The following SMTN variants were observed in gnomAD, a reference collection of about 807,000 sequenced individuals.
SMTN encodes the protein smoothelin.
Under a neutral mutation model 102.0 loss-of-function variants are expected in SMTN, and 58 were observed. That is an observed-to-expected ratio of 0.57 (90% CI 0.46 to 0.71). The LOEUF is 0.71. SMTN is among the 30% of genes least tolerant of loss of function. The pLI is 0.00. For missense variants in SMTN, 1,185 were observed against 1,241.7 expected (o/e 0.95, Z 0.69); for synonymous variants, 478 against 497.9 (o/e 0.96, Z 0.53).
intron 2 of SMTN, 38 bp from the exon 3 acceptor site, chr22:31,087,926 CT>C (rs779713955): frequency 6.5e-6 from 10 of 1,543,584 alleles, no homozygotes; most frequent in Admixed American, 1.9e-5. Context: ...CCCTCCGCCC[CT>C]GGCAGCCAAA....
At position 31,095,511 on chromosome 22, in the gene SMTN, G is replaced by A. The variant is rs1468558103; in HGVS notation, c.1786-23G>A. On this transcript the variant is annotated intron_variant, in intron 12 of 20. Coordinates refer to ENST00000333137, the MANE Select transcript of SMTN (RefSeq NM_134269.3). This position sits in a 1 kb window ranked among gnomAD's most constrained non-coding sequence, Gnocchi z 4.1. The stretch of plus-strand genomic sequence containing the variant: ...GCAGAGGCCAGCAGGCACCAGGTAG[G>A]CAATGATGGGCTCTATATGCAGCTG... 1.2e-5 allele frequency: 19 copies of A among 1,614,082 alleles called. No individual in the cohort carries two copies. The highest frequency in any genetic ancestry group is 1.6e-5 in the Non-Finnish European group (19 of 1,180,010).
chr22:31,092,642 A>G (rs898859893), intron 11 of SMTN: 4 of 443,214 alleles, frequency 9.0e-6, no homozygotes, highest in Admixed American at 4.8e-5. Context: ...AGGGAAATAA[A>G]GCACCCTTCC....
rs1437552158 is a variant in SMTN at position 31,091,892 on chromosome 22, A to G, written c.1632+45A>G. ...ACCAGCCTCACCATCCGTCAGCCTC[A>G]CATACACTGCTTCAGGGTGTAGGGC... On this transcript the variant is annotated intron_variant, in intron 11 of 20. Coordinates refer to ENST00000333137, the MANE Select transcript of SMTN (RefSeq NM_134269.3). 4 of 1,487,682 alleles carry G rather than the reference A, an allele frequency of 2.7e-6. No individual in the cohort carries two copies. The African/African-American group carries it at 5.6e-5, about 21-fold the overall frequency. The allele number at this position is 1,487,682 out of a possible 1,614,324, so 92.2% of individuals were successfully genotyped here.
intron 2 of SMTN, chr22:31,085,138 C>T: frequency 6.5e-7 from 1 of 1,535,514 alleles, no homozygotes; most frequent in East Asian, 2.4e-5. Flanking sequence ...GCCGGGACGC[C>T]CTCTGCCTCG....
intron 16 of SMTN, among the ~76,000 whole-genome samples, chr22:31,098,168 C>T (rs993051629): frequency 2.6e-5 from 4 of 152,150 alleles, no homozygotes; most frequent in African/African-American, 4.8e-5. Context: ...TCAGAGAGAC[C>T]TTGTTCAAGT....
At chr22:31,068,177 A>G (rs5997861) in intron 1 of SMTN, 44,054 of 151,732 alleles carry the variant, frequency 0.29, 8,111 homozygotes, top group African/African-American at 0.53. Context: ...GGTGGTGGAC[A>G]CCTGTAATCC....
rs772038024 is a variant in SMTN at position 31,088,767 on chromosome 22, G to A, written c.363G>A (p.Gln121=). The change falls in exon 5 of 21, where the codon CAG becomes CAA. Residue 121 remains glutamine, a synonymous_variant. Transcript: ENST00000333137. ...CTGCCATCCGCCGTGTACGGGCTCA[G>A]GAGATTGAGGGTATGTGGCCTGTCC... ...IRAAIRRVRA[Q]EIEAATLAGR... 5.2e-5 allele frequency: 84 copies of A among 1,612,754 alleles called. No homozygotes were observed. In the Middle Eastern group the frequency reaches 9.9e-4, roughly 19 times the overall value.
chr22:31,074,829 C>A (rs1285508112), intron 1 of SMTN, among the ~76,000 whole-genome samples: 1 of 151,778 alleles, frequency 6.6e-6, no homozygotes, highest in African/African-American at 2.4e-5. Context: ...ACAACAACAA[C>A]AAAACACAGG....
At chr22:31,097,727 A>G (rs2043715448) in intron 16 of SMTN, among the ~76,000 whole-genome samples, 2 of 150,668 alleles carry the variant, frequency 1.3e-5, no homozygotes, top group Admixed American at 1.3e-4. Flanking sequence ...TAAATAAATA[A>G]ATAAATAAAT....
upstream of SMTN, among the ~76,000 whole-genome samples, chr22:31,076,328 C>G (rs1400853857): frequency 6.6e-6 from 1 of 152,218 alleles, no homozygotes; most frequent in East Asian, 1.9e-4. Flanking sequence ...TCAGAACCGG[C>G]AAAGGAGCCA....
Position 31,095,333 on chromosome 22 carries a change from G to A in SMTN, c.1663G>A (p.Ala555Thr), listed in dbSNP as rs1156784667. ...AGCAGAGCCAGCAGAGCCTCTCGCT[G>A]CAGCAGTGGAAGCGGCCAATGGGGC... ...MEAEPAEPLA[A>T]AVEAANGAEQ... Residue 555 changes from alanine (A) to threonine (T), a missense_variant, in exon 12 of 21, where the codon GCA becomes ACA. Transcript: ENST00000333137. The surrounding 1 kb of genome is among the most constrained non-coding windows in gnomAD (Gnocchi z 4.1). 1 of 1,614,024 alleles carries A rather than the reference G, an allele frequency of 6.2e-7. No homozygotes were observed. The highest frequency in any genetic ancestry group is 1.3e-5 in the African/African-American group (1 of 74,940).
Position 31,097,338 on chromosome 22 carries a change from G to A in SMTN, c.2159G>A (p.Ser720Asn). Residue 720 changes from serine to asparagine, a missense_variant and splice_region_variant, in exon 16 of 21, where the codon AGC (serine) becomes AAC (asparagine). Coordinates refer to ENST00000333137, the MANE Select transcript of SMTN (RefSeq NM_134269.3). ...SSSSSSKKMG[S>N]IFDREDQASP... ...TCCTCCTCATCCAAGAAGATGGGCA[G>A]GTGAGCACCAGCACCCAATCCCTGA... The A allele has an allele frequency of 6.2e-7, 1 of 1,613,804 alleles. No individual in the cohort carries two copies. The highest frequency in any genetic ancestry group is 8.5e-7 in the Non-Finnish European group (1 of 1,179,770).
At chr22:31,097,715 G>GATAGATAAATAAATAAATAA (rs377645962) in intron 16 of SMTN, among the ~76,000 whole-genome samples, 5 of 145,794 alleles carry the variant, frequency 3.4e-5, no homozygotes, top group African/African-American at 1.3e-4. Flanking sequence ...AAAATAAATA[G>GATAGATAAATAAATAAATAA]ATAAATAAAT....
rs529584206 is a variant in SMTN, at chr22:31,085,924, G to A, written c.52-2041G>A. 1.1e-4 allele frequency among the ~76,000 whole-genome samples: 16 copies of A among 152,340 alleles called. No individual in the cohort carries two copies. The South Asian group carries it at 3.1e-3, about 30-fold the overall frequency. ...GGCCAAGTTCCTACATCAGGCTTTTGTCAGAGACAAGGACCCCATCTCCGA... is the reference window on the plus strand; with the variant it reads ...GGCCAAGTTCCTACATCAGGCTTTTATCAGAGACAAGGACCCCATCTCCGA... On this transcript the variant is annotated intron_variant, in intron 2 of 20. Coordinates refer to ENST00000333137, the MANE Select transcript of SMTN (RefSeq NM_134269.3).
chr22:31,069,809 C>A (rs2041954824), intron 1 of SMTN, among the ~76,000 whole-genome samples: 1 of 152,224 alleles, frequency 6.6e-6, no homozygotes, highest in Non-Finnish European at 1.5e-5. Context: ...CTCAGGAAAC[C>A]TGGGTTCCAG....
At chr22:31,102,216 G>A (rs1171393825) in intron 20 of SMTN, 1 of 152,202 alleles carries the variant, frequency 6.6e-6, no homozygotes, top group Admixed American at 6.5e-5. Context: ...TTACAGACAA[G>A]GAGCTCAGAG....
chr22:31,067,126 G>C (rs1234967003), intron 1 of SMTN: 2 of 152,094 alleles, frequency 1.3e-5, no homozygotes. Flanking sequence ...GCCCAGGCTG[G>C]AGTGCAGTGG....
At position 31,096,824 on chromosome 22, in the gene SMTN, G is replaced by C. The variant is rs765718791; in HGVS notation, c.1953G>C (p.Thr651=). ...GCAACACAGCCACTGAGACCACCACGAGGCACAGCCAGCGGGCAGCTGATG... is the reference window on the plus strand; with the variant it reads ...GCAACACAGCCACTGAGACCACCACCAGGCACAGCCAGCGGGCAGCTGATG... The part of the protein sequence containing the change: ...GRGNTATETT[T]RHSQRAADGS... The change falls in exon 14 of 21, where the codon ACG becomes ACC. Residue 651 remains threonine (T), a synonymous_variant. Coordinates refer to ENST00000333137, the MANE Select transcript of SMTN (RefSeq NM_134269.3). 5.7e-6 allele frequency: 9 copies of C among 1,574,956 alleles called. No individual in the cohort carries two copies. Among genetic ancestry groups the C allele is most frequent in the Non-Finnish European group, 7.8e-6 (9 of 1,158,516 alleles).
At chr22:31,070,835 G>C (rs1408201543) in intron 1 of SMTN, among the ~76,000 whole-genome samples, 1 of 150,956 alleles carries the variant, frequency 6.6e-6, no homozygotes, top group Non-Finnish European at 1.5e-5. Flanking sequence ...GAGGCAGGAG[G>C]ATTGCTTGAA....
Sources: allele counts gnomAD v4.1 joint callset (sites outside exome capture counted in the v4.1 genomes callset), GRCh38; gene constraint gnomAD v4.1.1; non-coding constraint Gnocchi (gnomAD v3.1); transcripts MANE v1.5; gene names NCBI Gene and HGNC (gene_info 2026-07-23, HGNC 2026-07-21).